UNC45A: variants seen among roughly 807,000 people sequenced by gnomAD.
UNC45A encodes unc-45 myosin chaperone A, also known as protein unc-45 homolog A.
In UNC45A, 78 loss-of-function variants were observed where a neutral mutation model predicts 103.2. The observed-to-expected ratio is 0.76, with a 90% confidence interval of 0.63 to 0.91. The LOEUF is 0.91. Ranked by LOEUF, UNC45A falls within the 40% of genes least tolerant of loss-of-function variation. The probability of loss-of-function intolerance (pLI) is 0.00; values close to 1 mark genes in which losing one functional copy is unlikely to be tolerated. For missense variants in UNC45A, 1,193 were observed against 1,224.8 expected (o/e 0.97, Z 0.39); for synonymous variants, 495 against 504.6 (o/e 0.98, Z 0.25).
intron 9 of UNC45A, among the ~76,000 whole-genome samples, chr15:90,946,113 G>C (rs2036553055): frequency 6.6e-6 from 1 of 151,196 alleles, no homozygotes; most frequent in African/African-American, 2.4e-5. Context: ...AATTAGCCAG[G>C]TGTGGTGGTG....
At chr15:90,953,374 G>A in intron 19 of UNC45A, 64 bp downstream of exon 19, 1 of 1,593,360 alleles carries the variant, frequency 6.3e-7, no homozygotes, top group Non-Finnish European at 8.5e-7. Context: ...CAGCTGAAGG[G>A]GGCAGTCCTA....
At chr15:90,947,024 T>C in intron 10 of UNC45A, 110 bp downstream of exon 10, 4 of 1,334,512 alleles carry the variant, frequency 3.0e-6, no homozygotes, top group Non-Finnish European at 4.1e-6. Flanking sequence ...TAAGGAATAC[T>C]GTAATGCCAA....
Position 90,939,624 on chromosome 15 carries a change from A to T in UNC45A, c.427-107A>T. 2.5e-6 allele frequency: 3 copies of T among 1,215,008 alleles called. No homozygotes were observed. In the South Asian group the frequency reaches 4.0e-5, roughly 16 times the overall value. 75.3% of individuals were successfully genotyped at this position (1,215,008 alleles called of 1,614,324 possible). A position where few individuals can be genotyped will look rare whatever the true frequency, so the allele number is the denominator to read the frequency against. ...CTAGGTGCTAGCCCTGAGCCTGGACATCTTTACTGTGCCTCCCAGAGTGAG... is the reference window on the plus strand; with the variant it reads ...CTAGGTGCTAGCCCTGAGCCTGGACTTCTTTACTGTGCCTCCCAGAGTGAG... On this transcript the variant is annotated intron_variant, in intron 4 of 19. Coordinates refer to ENST00000418476, the MANE Select transcript of UNC45A (RefSeq NM_018671.5).
intron 10 of UNC45A, 57 bp downstream of exon 10, chr15:90,946,971 G>C: frequency 6.4e-7 from 1 of 1,557,382 alleles, no homozygotes; most frequent in Non-Finnish European, 8.7e-7. Flanking sequence ...TCCTGGTCCA[G>C]CCGGTGTTGC....
At chr15:90,935,257 C>G (rs1186381584), upstream of UNC45A, 4 of 1,466,894 alleles carry the variant, frequency 2.7e-6, no homozygotes, top group Non-Finnish European at 3.7e-6. Flanking sequence ...CTGCCGGTGG[C>G]GTCCCGAACC....
At chr15:90,949,949 C>T (rs952587719) in intron 15 of UNC45A, 4 of 662,800 alleles carry the variant, frequency 6.0e-6, no homozygotes, top group Non-Finnish European at 1.0e-5. Flanking sequence ...GTCTCATTTA[C>T]CCCCATGGCC....
chr15:90,941,053 T>G (rs546140772), intron 6 of UNC45A: 110 of 152,228 alleles, frequency 7.2e-4, no homozygotes, highest in African/African-American at 2.5e-3. Flanking sequence ...AAAAACAGCC[T>G]TGGGGTACCC....
intron 10 of UNC45A, 62 bp downstream of exon 10, chr15:90,946,976 T>A: frequency 1.9e-6 from 3 of 1,544,962 alleles, no homozygotes; most frequent in Non-Finnish European, 2.6e-6. Context: ...GTCCAGCCGG[T>A]GTTGCAGGGT....
rs902717024 is a variant in UNC45A at position 90,953,841 on chromosome 15, T to C, written c.*125T>C. The C allele has an allele frequency of 8.1e-6, 11 of 1,356,068 alleles. No homozygotes were observed. Among genetic ancestry groups the C allele is most frequent in the Non-Finnish European group, 1.0e-5 (10 of 996,934 alleles). 84.0% of individuals were successfully genotyped at this position (1,356,068 alleles called of 1,614,324 possible). A position where few individuals can be genotyped will look rare whatever the true frequency, so the allele number is the denominator to read the frequency against. ...AATACTCTTGCCCATCCTCGCTTGC[T>C]GCCCTAGGATGTCCTCTGTTCTGAG... is the stretch of plus-strand genomic sequence containing the variant. On this transcript the variant is annotated 3_prime_UTR_variant, in exon 20 of 20. Transcript: ENST00000418476.
chr15:90,936,343 G>A lies in UNC45A; in HGVS notation c.309G>A (p.Glu103=). The A allele has an allele frequency of 6.2e-7, 1 of 1,614,220 alleles. No individual in the cohort carries two copies. The highest frequency in any genetic ancestry group is 8.5e-7 in the Non-Finnish European group (1 of 1,180,048). The change falls in exon 4 of 20, where the codon GAG becomes GAA. Residue 103 remains glutamate (E), a synonymous_variant. Transcript: ENST00000418476. ...KALYRRSQAL[E]KLGRLDQAVL... ...TCTACCGGCGGAGCCAAGCCCTAGA[G>A]AAGCTGGGCCGCCTGGACCAGGCTG...
chr15:90,932,185 C>T, upstream of UNC45A: 1 of 1,461,254 alleles, frequency 6.8e-7, no homozygotes, highest in Non-Finnish European at 9.2e-7. Flanking sequence ...TTTGGAGAGC[C>T]AGATGTGGCC....
At chr15:90,943,563 C>T (rs1239082911) in intron 8 of UNC45A, among the ~76,000 whole-genome samples, 3 of 152,114 alleles carry the variant, frequency 2.0e-5, no homozygotes, top group African/African-American at 7.2e-5. Context: ...GCTCTTACAA[C>T]ACCTTCTAGA....
chr15:90,933,989 AAG>A (rs1420604876), upstream of UNC45A: 3 of 399,014 alleles, frequency 7.5e-6, no homozygotes, highest in East Asian at 1.1e-4. Context: ...ACGGCCTAGA[AAG>A]AGAGATGTTG....
At chr15:90,946,341 G>A (rs1016924289) in intron 9 of UNC45A, among the ~76,000 whole-genome samples, 1 of 151,996 alleles carries the variant, frequency 6.6e-6, no homozygotes, top group Non-Finnish European at 1.5e-5. Context: ...GAAATAAGCC[G>A]AATCATTTCA....
At chr15:90,936,003 G>C (rs748918534) in intron 3 of UNC45A, 21 bp downstream of exon 3, 1 of 1,613,864 alleles carries the variant, frequency 6.2e-7, no homozygotes, top group Non-Finnish European at 8.5e-7. Context: ...GGTGGGCCCT[G>C]GTGTGGAGCT....
chr15:90,934,231 A>G (rs1550636), upstream of UNC45A: 196,278 of 399,024 alleles, frequency 0.49, 55,658 homozygotes, highest in East Asian at 0.97. Context: ...GTGGAAGGGC[A>G]TCTTTTCTTC....
At chr15:90,932,495 CCGCGAA>C, upstream of UNC45A, 1 of 1,310,900 alleles carries the variant, frequency 7.6e-7, no homozygotes, top group Non-Finnish European at 9.7e-7. Context: ...TGCTTGCGAG[CCGCGAA>C]GTCGGCAGCC....
intron 4 of UNC45A, among the ~76,000 whole-genome samples, chr15:90,938,336 A>G (rs922073465): frequency 2.6e-5 from 4 of 152,166 alleles, no homozygotes; most frequent in African/African-American, 7.2e-5. Flanking sequence ...AATTCGCCAG[A>G]TAATTTGACG....
chr15:90,939,438 G>A (rs1474332440), intron 4 of UNC45A, among the ~76,000 whole-genome samples: 1 of 152,220 alleles, frequency 6.6e-6, no homozygotes, highest in Non-Finnish European at 1.5e-5. Flanking sequence ...GGCACCACTG[G>A]GAGTGGGTTG....
Sources: gnomAD v4.1 joint callset for allele counts (sites outside exome capture counted in the v4.1 genomes callset) on GRCh38, gnomAD v4.1.1 for gene constraint, MANE v1.5 for transcripts, NCBI Gene and HGNC (gene_info 2026-07-23, HGNC 2026-07-21) for gene names.